The following MYCBPAP variants were observed in gnomAD, a reference collection of about 807,000 sequenced individuals.
The protein encoded by MYCBPAP is MYCBP associated protein, also known as MYCBP-associated protein.
MYCBPAP carries 60 observed loss-of-function variants against 106.1 expected under a neutral mutation model. The ratio of observed to expected loss-of-function variants is 0.57; its 90% CI spans 0.46 to 0.70. The LOEUF (loss-of-function observed/expected upper bound fraction) is 0.70, where lower values mean the gene tolerates loss of function less well. Among genes scored for constraint, MYCBPAP ranks in the 30% least tolerant of loss-of-function variants. The pLI, the probability that MYCBPAP is intolerant of heterozygous loss-of-function variation, is 0.00. For synonymous variants in MYCBPAP, 407 were observed against 440.6 expected (o/e 0.92, Z 0.95); for missense variants, 1,064 against 1,169.3 (o/e 0.91, Z 1.31).
chr17:50,518,113 G>A (rs569376950), intron 4 of MYCBPAP, among the ~76,000 whole-genome samples: 4 of 152,312 alleles, frequency 2.6e-5, no homozygotes, highest in Non-Finnish European at 4.4e-5. Flanking sequence ...CCTGGGCCAC[G>A]GGAAGATTCT....
intron 9 of MYCBPAP, 28 bp downstream of exon 9, chr17:50,521,459 G>C: frequency 6.7e-7 from 1 of 1,482,862 alleles, no homozygotes; most frequent in East Asian, 2.4e-5. Flanking sequence ...CCTGGGGAGA[G>C]AGGCTGAAGA....
At chr17:50,511,084 G>A (rs1202777407) in intron 1 of MYCBPAP, among the ~76,000 whole-genome samples, 1 of 151,996 alleles carries the variant, frequency 6.6e-6, no homozygotes, top group East Asian at 1.9e-4. Flanking sequence ...TGTTTAGCAT[G>A]CAAGATATCT....
chr17:50,512,402 C>T (rs977190448), intron 1 of MYCBPAP, among the ~76,000 whole-genome samples: 4 of 152,182 alleles, frequency 2.6e-5, no homozygotes, highest in Admixed American at 2.6e-4. Flanking sequence ...CCATGCTCAG[C>T]CCTGCCCCTT....
intron 1 of MYCBPAP, among the ~76,000 whole-genome samples, chr17:50,512,091 G>A (rs985988054): frequency 2.9e-5 from 4 of 138,030 alleles, no homozygotes; most frequent in South Asian, 2.2e-4. Context: ...TTGCTCTGTC[G>A]CCCAGGCTCT....
chr17:50,519,914 G>A, intron 7 of MYCBPAP, 127 bp downstream of exon 7: 1 of 1,016,262 alleles, frequency 9.8e-7, no homozygotes, highest in East Asian at 2.7e-5. Context: ...GTTCTCTGGG[G>A]TCTTAGGCAA....
intron 13 of MYCBPAP, among the ~76,000 whole-genome samples, chr17:50,525,467 A>G (rs946578812): frequency 2.0e-5 from 3 of 152,130 alleles, no homozygotes; most frequent in African/African-American, 7.2e-5. Context: ...CAGTCCTATG[A>G]GATGGGTACT....
At chr17:50,509,218 G>C in intron 1 of MYCBPAP, 1 of 694,846 alleles carries the variant, frequency 1.4e-6, no homozygotes, top group South Asian at 1.5e-5. Context: ...CGGGGCAGGC[G>C]TCACTTAGGA....
intron 13 of MYCBPAP, 126 bp downstream of exon 13, chr17:50,525,149 G>C: frequency 5.1e-6 from 6 of 1,172,844 alleles, no homozygotes; most frequent in Non-Finnish European, 7.2e-6. Flanking sequence ...TCTGCCTCCT[G>C]TCAGATCAGC....
chr17:50,518,657 G>A lies in MYCBPAP; in HGVS notation c.585G>A (p.Gln195=), dbSNP rs756904740. The change falls in exon 5 of 19, where the codon CAG becomes CAA. Residue 195 remains glutamine, a synonymous_variant. Transcript: ENST00000323776. ...GACCTCCCTGGGCCCCACCTCCTCA[G>A]CACAACTTTCTGAAAAACTGGCAGC... ...EKRPPWAPPP[Q]HNFLKNWQRN... The A allele has an allele frequency of 1.8e-5, 29 of 1,607,368 alleles. No individual in the cohort carries two copies. The highest frequency in any genetic ancestry group is 2.5e-5 in the Non-Finnish European group (29 of 1,178,094).
At chr17:50,511,562 G>A (rs933981605) in intron 1 of MYCBPAP, among the ~76,000 whole-genome samples, 2 of 152,124 alleles carry the variant, frequency 1.3e-5, no homozygotes, top group Admixed American at 6.5e-5. Context: ...TAGTTTCCCC[G>A]CTCCGTATCT....
rs199530081 is a variant in MYCBPAP, at chr17:50,523,578, G to A, written c.1448-19G>A. 2.4e-4 allele frequency: 392 copies of A among 1,613,398 alleles called. 1 individual carries two copies. The highest frequency in any genetic ancestry group is 2.9e-4 in the Non-Finnish European group (342 of 1,179,730). On this transcript the variant is annotated intron_variant, in intron 11 of 18. Coordinates refer to ENST00000323776, the MANE Select transcript of MYCBPAP (RefSeq NM_032133.6). ...CCAGCTCCTGCATGTTGAAAACCTC[G>A]GGTCTCTGTCCCTCTCAGGTGTGAT...
intron 1 of MYCBPAP, chr17:50,509,354 G>T (rs901613601): frequency 1.8e-6 from 1 of 555,438 alleles, no homozygotes; most frequent in Non-Finnish European, 3.2e-6. Context: ...GGAAAGAATC[G>T]CTAGATATGA....
chr17:50,512,419 C>T (rs2033889013), intron 1 of MYCBPAP, among the ~76,000 whole-genome samples: 1 of 152,186 alleles, frequency 6.6e-6, no homozygotes, highest in African/African-American at 2.4e-5. Flanking sequence ...CCTTGCTTTG[C>T]TTGGACTTTG....
chr17:50,528,889 AGGGGCTGCGGAGGTG>A (rs1567897605), intron 17 of MYCBPAP, 49 bp downstream of exon 17: 2 of 1,508,232 alleles, frequency 1.3e-6, no homozygotes, highest in South Asian at 1.1e-5. Context: ...AGGGGATTGG[AGGGGCTGCGGAGGTG>A]GGGGCTGTGG....
intron 1 of MYCBPAP, among the ~76,000 whole-genome samples, chr17:50,513,691 A>G (rs1394382037): frequency 6.6e-6 from 1 of 152,228 alleles, no homozygotes. Flanking sequence ...ACGTTTAATC[A>G]CTTGGAAAGA....
chr17:50,528,606 T>G, intron 16 of MYCBPAP, 89 bp from the exon 17 acceptor site: 1 of 1,526,154 alleles, frequency 6.6e-7, no homozygotes, highest in Non-Finnish European at 8.9e-7. Context: ...CCTTTGCTTT[T>G]CCACCTCCCC....
rs747192545 is a variant in MYCBPAP at position 50,517,369 on chromosome 17, C to G, written c.281C>G (p.Pro94Arg). 1 of 1,614,102 alleles carries G rather than the reference C, an allele frequency of 6.2e-7. No individual in the cohort carries two copies. The highest frequency in any genetic ancestry group is 1.1e-5 in the South Asian group (1 of 91,082). ...AAATTTATCATCCGTAAACTCAAAC[C>G]CATGGATCCTAGGAGGAAGGTCTGC... ...TQKFIIRKLKPMDPRRKVCHL... is the reference protein window; with the variant it reads ...TQKFIIRKLKRMDPRRKVCHL... The change falls in exon 3 of 19, where the codon CCC becomes CGC. Residue 94 changes from proline (P) to arginine (R), a missense_variant. By Grantham distance (103) the Pro-to-Arg change is moderately radical. Coordinates refer to ENST00000323776, the MANE Select transcript of MYCBPAP (RefSeq NM_032133.6).
chr17:50,529,442 C>T, intron 18 of MYCBPAP: 1 of 456,214 alleles, frequency 2.2e-6, no homozygotes, highest in Non-Finnish European at 4.0e-6. Flanking sequence ...TGACAACCCA[C>T]AAAGATTTGA....
intron 18 of MYCBPAP, chr17:50,529,448 T>G: frequency 2.3e-6 from 1 of 442,142 alleles, no homozygotes; most frequent in Non-Finnish European, 4.2e-6. Flanking sequence ...CCCACAAAGA[T>G]TTGAAGGGAG....
Sources: allele counts gnomAD v4.1 joint callset (sites outside exome capture counted in the v4.1 genomes callset), GRCh38; gene constraint gnomAD v4.1.1; transcripts MANE v1.5; gene names NCBI Gene and HGNC (gene_info 2026-07-23, HGNC 2026-07-21).